CELF1: variants seen among roughly 807,000 people sequenced by gnomAD.
CELF1 encodes the protein 50 kDa nuclear polyadenylated RNA-binding protein.
CELF1 carries 10 observed loss-of-function variants against 61.8 expected under a neutral mutation model. The observed-to-expected ratio is 0.16, with a 90% confidence interval of 0.10 to 0.27. The LOEUF (loss-of-function observed/expected upper bound fraction) is 0.27, where lower values mean the gene tolerates loss of function less well. Ranked by LOEUF, CELF1 falls within the 10% of genes least tolerant of loss-of-function variation. CELF1 has a pLI of 1.00. For synonymous variants in CELF1, 236 were observed against 225.1 expected (o/e 1.05, Z -0.43); for missense variants, 380 against 639.1 (o/e 0.59, Z 4.37).
chr11:47,539,228 TTA>T (rs2096713653), intron 1 of CELF1, among the ~76,000 whole-genome samples: 1 of 151,976 alleles, frequency 6.6e-6, no homozygotes, highest in Non-Finnish European at 1.5e-5. Context: ...AAAAAACTTG[TTA>T]AAAAAATAAA....
chr11:47,476,627 C>T (rs1165588214), intron 12 of CELF1, among the ~76,000 whole-genome samples: 2 of 152,086 alleles, frequency 1.3e-5, no homozygotes, highest in African/African-American at 4.8e-5. Context: ...GGGGTTTCAC[C>T]GTGTTAGCCA....
chr11:47,475,311 G>T, intron 13 of CELF1, 25 bp downstream of exon 13: 2 of 1,611,006 alleles, frequency 1.2e-6, no homozygotes, highest in South Asian at 2.2e-5. Flanking sequence ...CCCCATACCT[G>T]ACCCCGATCT....
chr11:47,564,625 T>C lies in CELF1; in HGVS notation c.-129-156A>G, dbSNP rs900187256. 2.6e-5 allele frequency among the ~76,000 whole-genome samples: 4 copies of C among 151,096 alleles called. No homozygotes were observed. The East Asian group carries it at 7.8e-4, about 30-fold the overall frequency. ...CTGGCTGACAAGGTGAAACCTCGTC[T>C]CTACTAAAAACAAAAGTTAGCTGGG... On this transcript the variant is annotated intron_variant, in intron 1 of 3. Transcript: ENST00000525841.
chr11:47,478,030 G>A (rs1045521044), intron 10 of CELF1, among the ~76,000 whole-genome samples: 3 of 152,164 alleles, frequency 2.0e-5, no homozygotes, highest in Non-Finnish European at 2.9e-5. Flanking sequence ...AATCTAAACT[G>A]TGCTGTCGCT....
chr11:47,551,216 T>A (rs1189410853), intron 1 of CELF1, among the ~76,000 whole-genome samples: 1 of 152,046 alleles, frequency 6.6e-6, no homozygotes. Context: ...TGGGTTTTCT[T>A]TAAAGGGGTC....
chr11:47,560,849 T>C (rs1409297643), intron 2 of CELF1, among the ~76,000 whole-genome samples: 3 of 152,134 alleles, frequency 2.0e-5, no homozygotes, highest in Admixed American at 2.0e-4. Context: ...CATTTAAAAG[T>C]TTATTCTGGC....
Position 47,472,001 on chromosome 11 carries a change from AACTCCAAAGTAAAAC to A in CELF1, c.*214_*228del. ...AAAAAACCTCAGGATATGGCACCTA[AACTCCAAAGTAAAAC>A]ACTGGAAACCAAAGCACAAACTTGT... On this transcript the variant is annotated 3_prime_UTR_variant, in exon 15 of 15. Transcript: ENST00000687097. The A allele has an allele frequency of 2.0e-6, 1 of 497,824 alleles. No individual in the cohort carries two copies. 30.8% of individuals were successfully genotyped at this position (497,824 alleles called of 1,614,324 possible).
chr11:47,520,973 C>T (rs924204561), intron 1 of CELF1, among the ~76,000 whole-genome samples: 4 of 152,096 alleles, frequency 2.6e-5, no homozygotes, highest in Admixed American at 1.3e-4. Flanking sequence ...ACTAGAGGGC[C>T]GGGCGTGGTG....
Position 47,471,897 on chromosome 11 carries a change from TTGG to T in CELF1, c.*330_*332del. ...CCCTGTCCCCCTTCCCCAGGGTGGT[TTGG>T]TGTTGGTCCTTCTCAACACACACTG... On this transcript the variant is annotated 3_prime_UTR_variant, in exon 15 of 15. Coordinates refer to ENST00000687097, the MANE Select transcript of CELF1 (RefSeq NM_001376376.1). 5.0e-6 allele frequency: 1 copy of T among 199,866 alleles called. No individual in the cohort carries two copies. Among genetic ancestry groups the T allele is most frequent in the East Asian group, 1.0e-4 (1 of 9,564 alleles). The allele number at this position is 199,866 out of a possible 1,614,324, so 12.4% of individuals were successfully genotyped here.
Position 47,504,175 on chromosome 11 carries a change from A to AAAAC in CELF1, c.-153-3247_-153-3244dup, listed in dbSNP as rs568907319. On this transcript the variant is annotated intron_variant, in intron 1 of 14. Coordinates refer to ENST00000687097, the MANE Select transcript of CELF1 (RefSeq NM_001376376.1). ...GGGCAACAGAATAAGACCCTGTCTC[A>AAAAC]AAACAAACAAACAAAAAACAAAACA... is the stretch of plus-strand genomic sequence containing the variant. 2.0e-3 allele frequency among the ~76,000 whole-genome samples: 301 copies of AAAAC among 152,288 alleles called. 10 individuals carry two copies. In the South Asian group the frequency reaches 0.059, roughly 30 times the overall value.
chr11:47,518,718 C>T (rs1319600650), intron 1 of CELF1, among the ~76,000 whole-genome samples: 12 of 152,192 alleles, frequency 7.9e-5, no homozygotes, highest in Admixed American at 7.2e-4. Flanking sequence ...CCCTACCAAA[C>T]ACATCAATTT....
chr11:47,508,491 G>C (rs2094716502), intron 1 of CELF1, among the ~76,000 whole-genome samples: 1 of 150,904 alleles, frequency 6.6e-6, no homozygotes, highest in Non-Finnish European at 1.5e-5. Context: ...CTTAAGTCCT[G>C]GAGAACATAG....
At chr11:47,525,257 C>T (rs1188093199) in intron 1 of CELF1, among the ~76,000 whole-genome samples, 2 of 152,062 alleles carry the variant, frequency 1.3e-5, no homozygotes, top group African/African-American at 4.8e-5. Context: ...AAATCTATGT[C>T]TGAGGATGAT....
intron 1 of CELF1, among the ~76,000 whole-genome samples, chr11:47,537,364 C>T (rs1450849513): frequency 6.6e-6 from 1 of 151,758 alleles, no homozygotes; most frequent in Non-Finnish European, 1.5e-5. Flanking sequence ...TCTCCTGCCT[C>T]AGCCTCCTGA....
intron 9 of CELF1, among the ~76,000 whole-genome samples, chr11:47,481,102 CTT>C (rs1187959061): frequency 2.1e-4 from 15 of 71,420 alleles, no homozygotes; most frequent in African/African-American, 8.0e-4. Context: ...TTTTCTTCTT[CTT>C]TTTTTTTTTT....
chr11:47,527,050 TAAA>T (rs779124412), intron 1 of CELF1, among the ~76,000 whole-genome samples: 8 of 126,756 alleles, frequency 6.3e-5, no homozygotes, highest in African/African-American at 2.1e-4. Flanking sequence ...AAACTCCGTC[TAAA>T]AAAAAAAAAA....
chr11:47,479,874 G>C (rs112011619), intron 9 of CELF1, among the ~76,000 whole-genome samples: 1 of 151,950 alleles, frequency 6.6e-6, no homozygotes, highest in Non-Finnish European at 1.5e-5. Context: ...AGAGACCATG[G>C]ATAAGTTTCA....
chr11:47,473,189 T>C lies in CELF1; in HGVS notation c.1316A>G (p.Glu439Gly), dbSNP rs1308785269. 6.2e-7 allele frequency: 1 copy of C among 1,614,062 alleles called. No individual in the cohort carries two copies. Among genetic ancestry groups the C allele is most frequent in the Non-Finnish European group, 8.5e-7 (1 of 1,180,004 alleles). Reference sequence around the variant, plus strand: ...CTGCAGCAGGTCCTGATCACCAAACTCCTGGGGCAGGTGGTAGATGAACAG... The same window carrying C: ...CTGCAGCAGGTCCTGATCACCAAACCCCTGGGGCAGGTGGTAGATGAACAG... ...ANLFIYHLPQ[E>G]FGDQDLLQMF... The change falls in exon 14 of 15, where the codon GAG (glutamate) becomes GGG (glycine). Residue 439 changes from glutamate (E) to glycine (G), a missense_variant. By Grantham distance (98) the Glu-to-Gly change is moderately conservative (BLOSUM62 -2). Coordinates refer to ENST00000687097, the MANE Select transcript of CELF1 (RefSeq NM_001376376.1).
chr11:47,517,258 G>GAGA (rs2095608341), intron 1 of CELF1, among the ~76,000 whole-genome samples: 2 of 37,034 alleles, frequency 5.4e-5, no homozygotes, highest in Non-Finnish European at 4.9e-5. Context: ...AAAACAAACA[G>GAGA]AGAAAAAAAA....
Sources: allele counts gnomAD v4.1 joint callset (sites outside exome capture counted in the v4.1 genomes callset), GRCh38; gene constraint gnomAD v4.1.1; transcripts MANE v1.5; gene names NCBI Gene and HGNC (gene_info 2026-07-23, HGNC 2026-07-21).